The following MRTFB variants were observed in gnomAD, a reference collection of about 807,000 sequenced individuals.
MRTFB encodes the protein myocardin related transcription factor B.
In MRTFB, 29 loss-of-function variants were observed where a neutral mutation model predicts 104.2. The ratio of observed to expected loss-of-function variants is 0.28; its 90% CI spans 0.21 to 0.38. The LOEUF is 0.38. Among genes scored for constraint, MRTFB ranks in the 10% least tolerant of loss-of-function variants. MRTFB has a pLI of 1.00. For missense variants in MRTFB, 1,270 were observed against 1,341.6 expected (o/e 0.95, Z 0.83); for synonymous variants, 535 against 519.5 (o/e 1.03, Z -0.41).
At chr16:14,049,113 G>A in the MRTFB span, among the ~76,000 whole-genome samples, 2 of 152,208 alleles carry the variant, frequency 1.3e-5, no homozygotes, top group South Asian at 4.1e-4. Flanking sequence ...CTAGTGGGTA[G>A]AGGCCAAGGA....
chr16:14,143,236 T>C (rs1466738489), intron 3 of MRTFB: 2 of 152,130 alleles, frequency 1.3e-5, no homozygotes, highest in East Asian at 3.9e-4. Context: ...GGAGACGCAT[T>C]TTTTAATGTT....
At chr16:14,042,604 C>T in the MRTFB span, among the ~76,000 whole-genome samples, 130 of 152,254 alleles carry the variant, frequency 8.5e-4, no homozygotes, top group Admixed American at 6.0e-3. Flanking sequence ...TGAGCTAAAT[C>T]AGAGACTTGT....
intron 3 of MRTFB, among the ~76,000 whole-genome samples, chr16:14,209,718 AT>A (rs2041109805): frequency 6.6e-6 from 1 of 152,204 alleles, no homozygotes; most frequent in African/African-American, 2.4e-5. Context: ...TTGTGCAAAG[AT>A]TACTAAACTT....
chr16:14,055,829 G>A, the MRTFB span, among the ~76,000 whole-genome samples: 1 of 152,062 alleles, frequency 6.6e-6, no homozygotes, highest in East Asian at 1.9e-4. Context: ...TCTCGGGGGA[G>A]ATACTTCACG....
intron 5 of MRTFB, among the ~76,000 whole-genome samples, chr16:14,213,027 A>T (rs1275189151): frequency 6.6e-6 from 1 of 152,236 alleles, no homozygotes. Context: ...TTTTCTTAAG[A>T]ATTTTTCTAG....
chr16:14,110,627 T>C (rs896064745), intron 2 of MRTFB, among the ~76,000 whole-genome samples: 1 of 152,042 alleles, frequency 6.6e-6, no homozygotes. Context: ...CACACCACCC[T>C]CTCCTGGAAT....
At chr16:14,009,316 T>C in the MRTFB span, 1 of 152,176 alleles carries the variant, frequency 6.6e-6, no homozygotes, top group Non-Finnish European at 1.5e-5. Flanking sequence ...AATTTTCTTC[T>C]TTTCAACATA....
chr16:14,029,295 G>C, the MRTFB span, among the ~76,000 whole-genome samples: 5 of 150,980 alleles, frequency 3.3e-5, no homozygotes, highest in Non-Finnish European at 1.5e-5. Context: ...GACAGAGAGA[G>C]ACTTTATGCG....
At chr16:14,253,211 C>G (rs1167155413) in intron 15 of MRTFB, among the ~76,000 whole-genome samples, 1 of 152,176 alleles carries the variant, frequency 6.6e-6, no homozygotes, top group East Asian at 1.9e-4. Context: ...ATACATTACC[C>G]TAAACACTCC....
At chr16:14,246,029 T>A (rs576402026) in intron 11 of MRTFB, among the ~76,000 whole-genome samples, 1 of 152,192 alleles carries the variant, frequency 6.6e-6, no homozygotes, top group African/African-American at 2.4e-5. Flanking sequence ...CCTTCTATTA[T>A]CTGTGGTACC....
At chr16:14,033,907 G>A in the MRTFB span, among the ~76,000 whole-genome samples, 2 of 151,892 alleles carry the variant, frequency 1.3e-5, no homozygotes, top group African/African-American at 4.8e-5. Context: ...TGGTGAGTGT[G>A]GTTCAAAATA....
At chr16:14,254,058 G>A (rs2043373068) in intron 15 of MRTFB, among the ~76,000 whole-genome samples, 1 of 152,158 alleles carries the variant, frequency 6.6e-6, no homozygotes, top group African/African-American at 2.4e-5. Context: ...ATCTTCCACT[G>A]TAACCTAAGA....
the MRTFB span, among the ~76,000 whole-genome samples, chr16:13,996,591 C>T: frequency 1.5e-4 from 23 of 152,322 alleles, no homozygotes; most frequent in Non-Finnish European, 2.1e-4. Context: ...AAAGAGATTG[C>T]GCCTTGCCCT....
intron 3 of MRTFB, among the ~76,000 whole-genome samples, chr16:14,180,511 T>C (rs1216622030): frequency 6.6e-6 from 1 of 152,222 alleles, no homozygotes; most frequent in Non-Finnish European, 1.5e-5. Context: ...TTCTGTCATT[T>C]CTTGATTACT....
chr16:14,013,618 A>C, the MRTFB span, among the ~76,000 whole-genome samples: 20,560 of 152,232 alleles, frequency 0.14, 1,868 homozygotes, highest in African/African-American at 0.25. Flanking sequence ...CGTTTGTTGA[A>C]CATGTGTTGT....
At position 14,158,927 on chromosome 16, in the gene MRTFB, T is replaced by TTCTC. The variant is rs527567866; in HGVS notation, c.154+18169_154+18170insTCTC. ...CAGGAGGATCACTTGAGGTTAGGAG[T>TTCTC]TCAAGATAGCAAGGGCAACTTAGCA... On this transcript the variant is annotated intron_variant, in intron 3 of 16. Coordinates refer to ENST00000571589, the MANE Select transcript of MRTFB (RefSeq NM_001308142.2). Among the ~76,000 whole-genome samples, 214 of 148,986 alleles carry TTCTC rather than the reference T, an allele frequency of 1.4e-3. 4 individuals carry two copies. The highest frequency in any genetic ancestry group is 2.2e-3 in the Non-Finnish European group (150 of 67,212).
the MRTFB span, among the ~76,000 whole-genome samples, chr16:14,036,187 A>C: frequency 8.2e-6 from 1 of 122,000 alleles, no homozygotes; most frequent in Admixed American, 1.1e-4. Context: ...TATTATATAA[A>C]ATACATTATA....
intron 4 of MRTFB, 132 bp from the exon 5 acceptor site, chr16:14,212,222 T>A (rs531276009): frequency 1.2e-6 from 1 of 824,892 alleles, no homozygotes; most frequent in African/African-American, 1.7e-5. Context: ...GCAGGTCTCC[T>A]AATGGAACTG....
Position 14,140,627 on chromosome 16 carries a change from A to G in MRTFB, c.21A>G (p.Ile7Met). ...ACACAATGGATCACACAGGGGCGAT[A>G]GACACCGAGGATGAAGTGGGACCTT... is the stretch of plus-strand genomic sequence containing the variant. MDHTGA[I>M]DTEDEVGPLA... The change falls in exon 3 of 17, where the codon ATA (isoleucine) becomes ATG (methionine). Residue 7 changes from isoleucine to methionine, a missense_variant. Physicochemically the swap from Ile to Met is conservative, Grantham distance 10 (BLOSUM62 1). Coordinates refer to ENST00000571589, the MANE Select transcript of MRTFB (RefSeq NM_001308142.2). 6.2e-7 allele frequency: 1 copy of G among 1,614,178 alleles called. No individual in the cohort carries two copies. The highest frequency in any genetic ancestry group is 1.1e-5 in the South Asian group (1 of 91,076).
Sources: gnomAD v4.1 joint callset for allele counts (sites outside exome capture counted in the v4.1 genomes callset) on GRCh38, gnomAD v4.1.1 for gene constraint, MANE v1.5 for transcripts, NCBI Gene and HGNC (gene_info 2026-07-23, HGNC 2026-07-21) for gene names.